AGBL1: variants seen among roughly 807,000 people sequenced by gnomAD.
The protein encoded by AGBL1 is cytosolic carboxypeptidase 4.
AGBL1 carries 130 observed loss-of-function variants against 118.9 expected under a neutral mutation model. The ratio of observed to expected loss-of-function variants is 1.09; its 90% CI spans 0.95 to 1.26. The LOEUF (loss-of-function observed/expected upper bound fraction) is 1.26, where lower values mean the gene tolerates loss of function less well. AGBL1 is among the 50% of genes most tolerant of loss of function. AGBL1 has a pLI of 0.00. For synonymous variants in AGBL1, 555 were observed against 478.9 expected (o/e 1.16, Z -2.08); for missense variants, 1,584 against 1,298.1 (o/e 1.22, Z -3.38).
chr15:86,447,424 A>G (rs1457716393), intron 18 of AGBL1, among the ~76,000 whole-genome samples: 1 of 152,212 alleles, frequency 6.6e-6, no homozygotes, highest in Admixed American at 6.5e-5. Context: ...TGAAGCTGAC[A>G]CCGTGGAAAG....
intron 21 of AGBL1, among the ~76,000 whole-genome samples, chr15:86,668,085 A>G (rs968158499): frequency 1.3e-5 from 2 of 152,132 alleles, no homozygotes; most frequent in Non-Finnish European, 2.9e-5. Flanking sequence ...CTCTTGCCTG[A>G]ACTAACAATT....
chr15:86,842,035 G>T (rs1395792529), intron 22 of AGBL1, among the ~76,000 whole-genome samples: 2 of 151,436 alleles, frequency 1.3e-5, no homozygotes, highest in African/African-American at 4.9e-5. Context: ...ACATTAAGGT[G>T]GATGGATGGA....
chr15:86,847,040 T>A (rs890845172), intron 22 of AGBL1, among the ~76,000 whole-genome samples: 1 of 152,246 alleles, frequency 6.6e-6, no homozygotes, highest in Non-Finnish European at 1.5e-5. Context: ...TCTAACATTT[T>A]AATTCTACTA....
intron 22 of AGBL1, among the ~76,000 whole-genome samples, chr15:86,782,041 T>C (rs1466107113): frequency 6.6e-6 from 1 of 152,102 alleles, no homozygotes; most frequent in Non-Finnish European, 1.5e-5. Flanking sequence ...TTCATAGTCT[T>C]TTAATCTACA....
intron 17 of AGBL1, among the ~76,000 whole-genome samples, chr15:86,364,059 C>T (rs1430346190): frequency 6.6e-6 from 1 of 152,130 alleles, no homozygotes; most frequent in Non-Finnish European, 1.5e-5. Flanking sequence ...CTCCTCTGAC[C>T]CCTTCTTACC....
intron 22 of AGBL1, among the ~76,000 whole-genome samples, chr15:86,855,965 C>T (rs1338193565): frequency 1.3e-5 from 2 of 152,176 alleles, no homozygotes; most frequent in East Asian, 3.9e-4. Context: ...TAATGGCAGC[C>T]TTTAAAACCC....
At chr15:86,203,309 G>A (rs879761743) in intron 5 of AGBL1, among the ~76,000 whole-genome samples, 10 of 152,136 alleles carry the variant, frequency 6.6e-5, no homozygotes, top group Non-Finnish European at 1.2e-4. Context: ...TTATGCTTAC[G>A]TTTTAAAGAT....
chr15:86,839,830 C>T (rs1211066983), intron 22 of AGBL1, among the ~76,000 whole-genome samples: 1 of 152,092 alleles, frequency 6.6e-6, no homozygotes, highest in Non-Finnish European at 1.5e-5. Flanking sequence ...AGCTGGGTTC[C>T]AGCTTCATAT....
In AGBL1 at chr15:87,005,212, C is replaced by A. The variant is rs557203617; in HGVS notation, c.3323+17124C>A. 6.6e-5 allele frequency among the ~76,000 whole-genome samples: 10 copies of A among 152,166 alleles called. No homozygotes were observed. In the South Asian group the frequency reaches 1.9e-3, roughly 28 times the overall value. Reference sequence around the variant, plus strand: ...GGAATATCTTTGTGGCTTTCTCTGTCTTTCCTGAATTTGAATGTTGGCCTG... The same window carrying A: ...GGAATATCTTTGTGGCTTTCTCTGTATTTCCTGAATTTGAATGTTGGCCTG... On this transcript the variant is annotated intron_variant, in intron 24 of 24. Transcript: ENST00000441037.
chr15:86,817,797 G>A (rs758177048), intron 22 of AGBL1, among the ~76,000 whole-genome samples: 13 of 152,070 alleles, frequency 8.5e-5, no homozygotes, highest in East Asian at 1.9e-4. Flanking sequence ...CTTTGCAGAC[G>A]TAATTAAGAT....
intron 22 of AGBL1, among the ~76,000 whole-genome samples, chr15:86,892,089 G>C (rs1433654900): frequency 1.3e-5 from 2 of 152,088 alleles, no homozygotes; most frequent in African/African-American, 2.4e-5. Context: ...TAAGAGAAAA[G>C]CACTTGCTGA....
At chr15:86,582,983 C>T (rs1014790702) in intron 21 of AGBL1, among the ~76,000 whole-genome samples, 1 of 151,718 alleles carries the variant, frequency 6.6e-6, no homozygotes, top group Admixed American at 6.6e-5. Flanking sequence ...GCACATTGTG[C>T]ACACATACCC....
chr15:86,248,713 A>G (rs2141994894), intron 7 of AGBL1, among the ~76,000 whole-genome samples: 1 of 152,340 alleles, frequency 6.6e-6, no homozygotes, highest in Non-Finnish European at 1.5e-5. Flanking sequence ...GAGGCCCTTG[A>G]TCCTATAGGG....
intron 24 of AGBL1, among the ~76,000 whole-genome samples, chr15:87,018,478 T>A (rs1211604371): frequency 6.6e-6 from 1 of 151,952 alleles, no homozygotes; most frequent in Non-Finnish European, 1.5e-5. Flanking sequence ...TTAAAAAAAA[T>A]TTCCAACCCA....
At chr15:86,817,674 G>A (rs913401173) in intron 22 of AGBL1, among the ~76,000 whole-genome samples, 4 of 151,262 alleles carry the variant, frequency 2.6e-5, no homozygotes, top group African/African-American at 9.7e-5. Flanking sequence ...CACAGAAAGA[G>A]ACAGGAGAGA....
At chr15:86,742,269 G>A (rs146778191) in intron 22 of AGBL1, among the ~76,000 whole-genome samples, 7 of 152,176 alleles carry the variant, frequency 4.6e-5, no homozygotes, top group African/African-American at 1.7e-4. Context: ...GGAATCAGAC[G>A]GCATGGCTTT....
chr15:86,585,149 C>G (rs1186214202), intron 21 of AGBL1, among the ~76,000 whole-genome samples: 2 of 152,072 alleles, frequency 1.3e-5, no homozygotes, highest in African/African-American at 4.8e-5. Flanking sequence ...TTGACTTCTT[C>G]TTTTCCTTTT....
chr15:86,161,503 C>A (rs977130629), intron 5 of AGBL1, among the ~76,000 whole-genome samples: 1 of 152,222 alleles, frequency 6.6e-6, no homozygotes, highest in East Asian at 1.9e-4. Context: ...AGCCTCAGCT[C>A]TTAAGCCACC....
intron 19 of AGBL1, among the ~76,000 whole-genome samples, chr15:86,544,190 G>T (rs754741922): frequency 1.3e-5 from 2 of 152,176 alleles, no homozygotes; most frequent in Non-Finnish European, 2.9e-5. Context: ...ACCCAGGTTG[G>T]CTAGGACTGG....
Sources: allele counts gnomAD v4.1 joint callset (sites outside exome capture counted in the v4.1 genomes callset), GRCh38; gene constraint gnomAD v4.1.1; transcripts MANE v1.5; gene names NCBI Gene and HGNC (gene_info 2026-07-23, HGNC 2026-07-21).